TLR9: variants seen among roughly 807,000 people sequenced by gnomAD.
TLR9 encodes toll-like receptor 9.
In TLR9, 19 loss-of-function variants were observed where a neutral mutation model predicts 24.6. That is an observed-to-expected ratio of 0.77 (90% CI 0.54 to 1.13). The LOEUF is 1.13. Among genes scored for constraint, TLR9 ranks in the 50% most tolerant of loss-of-function variants. The pLI is 0.00. For missense variants in TLR9, 1,065 were observed against 1,379.6 expected, an observed-to-expected ratio of 0.77 and a Z score of 3.61; for synonymous variants, 579 against 609.8, an observed-to-expected ratio of 0.95 and a Z score of 0.74.
chr3:52,222,616 T>C lies in TLR9; in HGVS notation c.1700A>G (p.Asn567Ser). The C allele has an allele frequency of 6.8e-6, 11 of 1,614,098 alleles. No homozygotes were observed. The highest frequency in any genetic ancestry group is 9.3e-6 in the Non-Finnish European group (11 of 1,180,014). Residue 567 changes from asparagine to serine, a missense_variant, in exon 2 of 2, where the codon AAC becomes AGC. Coordinates refer to ENST00000360658, the MANE Select transcript of TLR9 (RefSeq NM_017442.4). ...QPFGMQGVGH[N>S]FSFVAHLRTL... ...GCGCAGGTGAGCCACGAAGCTGAAG[T>C]TGTGGCCCACGCCCTGCATGCCAAA...
At position 52,224,270 on chromosome 3, in the gene TLR9, G is replaced by C; in HGVS notation, c.46C>G (p.Gln16Glu). 1 of 1,610,506 alleles carries C rather than the reference G, an allele frequency of 6.2e-7. No homozygotes were observed. Among genetic ancestry groups the C allele is most frequent in the Non-Finnish European group, 8.5e-7 (1 of 1,178,286 alleles). Residue 16 changes from glutamine (Q) to glutamate (E), a missense_variant, in exon 2 of 2, where the codon CAG becomes GAG. Physicochemically the swap from Gln to Glu is conservative, Grantham distance 29 (BLOSUM62 2). Transcript: ENST00000360658. ...AGGGTCATGGCCAGCATGATGGCCT[G>C]CACCAGGAGAGACAGCGGGTGCAGG... ...SALHPLSLLV[Q>E]AIMLAMTLAL...
rs577083788 is a variant in TLR9, at chr3:52,225,241, G to T, written c.3+286C>A. Among the ~76,000 whole-genome samples the T allele has an allele frequency of 5.9e-5, 9 of 152,256 alleles. No homozygotes were observed. The East Asian group carries it at 1.7e-3, about 29-fold the overall frequency. On this transcript the variant is annotated intron_variant, in intron 1 of 1. Coordinates refer to ENST00000360658, the MANE Select transcript of TLR9 (RefSeq NM_017442.4). ...AGCCATAATCCCAGCTACTTGGGAG[G>T]CTGAGGCAGGAGAATCACTTGAACC... is the stretch of plus-strand genomic sequence containing the variant.
rs764944818 is a variant in TLR9 at position 52,223,054 on chromosome 3, T to A, written c.1262A>T (p.Asp421Val). ...TCCGCTGATGCGGTTGTCCGACAGGTCCACGTAGCGCAGGCCAGGGAAGGC... is the reference window on the plus strand; with the variant it reads ...TCCGCTGATGCGGTTGTCCGACAGGACCACGTAGCGCAGGCCAGGGAAGGC... ...FRAFPGLRYV[D>V]LSDNRISGAS... Residue 421 changes from aspartate (D) to valine (V), a missense_variant, in exon 2 of 2, where the codon GAC becomes GTC. Coordinates refer to ENST00000360658, the MANE Select transcript of TLR9 (RefSeq NM_017442.4). The A allele has an allele frequency of 6.7e-5, 107 of 1,595,930 alleles. No homozygotes were observed. The Admixed American group carries it at 1.8e-3, about 27-fold the overall frequency.
In TLR9 at chr3:52,222,874, C is replaced by T. The variant is rs200601173; in HGVS notation, c.1442G>A (p.Arg481Gln). 1.9e-6 allele frequency: 3 copies of T among 1,608,410 alleles called. No homozygotes were observed. The highest frequency in any genetic ancestry group is 1.7e-6 in the Non-Finnish European group (2 of 1,175,566). The stretch of plus-strand genomic sequence containing the variant: ...CGGCTGCACGGTCACCAGGTTGTTC[C>T]GTGACAGATCCAAGGTGAAGTTGAG... ...STLNFTLDLS[R>Q]NNLVTVQPEM... Residue 481 changes from arginine to glutamine, a missense_variant, in exon 2 of 2, where the codon CGG (arginine) becomes CAG (glutamine). Coordinates refer to ENST00000360658, the MANE Select transcript of TLR9 (RefSeq NM_017442.4).
rs373627454 is a variant in TLR9, at chr3:52,221,715, G to A, written c.2601C>T (p.Ala867=). ...AGACCACGAAGGCATCGTAGGGCAGGGCATCCTCATCTCGCCCACTTTGCC... is the reference window on the plus strand; with the variant it reads ...AGACCACGAAGGCATCGTAGGGCAGAGCATCCTCATCTCGCCCACTTTGCC... ...RGRQSGRDED[A]LPYDAFVVFD... is the part of the protein sequence containing the mutation. The change falls in exon 2 of 2, where the codon GCC becomes GCT. Residue 867 remains alanine, a synonymous_variant. Coordinates refer to ENST00000360658, the MANE Select transcript of TLR9 (RefSeq NM_017442.4). The surrounding 1 kb of genome is among the most constrained non-coding windows in gnomAD (Gnocchi z 9.9). 6 of 1,613,976 alleles carry A rather than the reference G, an allele frequency of 3.7e-6. No homozygotes were observed. Among genetic ancestry groups the A allele is most frequent in the Middle Eastern group, 1.6e-4 (1 of 6,062 alleles).
In TLR9 at chr3:52,221,350, C is replaced by T. The variant is rs201478487; in HGVS notation, c.2966G>A (p.Arg989His). ...GTGGGGCCAGAGGAGGACACTCTGG[C>T]GGCAGAGGCGCTGGCGCAGCCGCAC... ...RYVRLRQRLC[R>H]QSVLLWPHQP... is the part of the protein sequence containing the mutation. The change falls in exon 2 of 2, where the codon CGC becomes CAC. Residue 989 changes from arginine (R) to histidine (H), a missense_variant. Arg to His is a conservative substitution (Grantham distance 29). Coordinates refer to ENST00000360658, the MANE Select transcript of TLR9 (RefSeq NM_017442.4). The surrounding 1 kb of genome is among the most constrained non-coding windows in gnomAD (Gnocchi z 9.9). 1.2e-4 allele frequency: 195 copies of T among 1,582,040 alleles called. No homozygotes were observed. In the African/African-American group the frequency reaches 2.1e-3, roughly 17 times the overall value.
chr3:52,225,379 G>A, intron 1 of TLR9, 148 bp downstream of exon 1: 3 of 954,390 alleles, frequency 3.1e-6, no homozygotes, highest in Non-Finnish European at 4.7e-6. Context: ...GAGGGCTTCG[G>A]CTCTGAAGTC....
Position 52,222,330 on chromosome 3 carries a change from G to A in TLR9, c.1986C>T (p.Asp662=), listed in dbSNP as rs1248748060. ...PKSLQVLRLR[D]NYLAFFKWWS... ...ACCACTTAAAGAAGGCCAGGTAATT[G>A]TCACGGAGACGCAGCACCTGTAGGC... The change falls in exon 2 of 2, where the codon GAC becomes GAT. Residue 662 remains aspartate, a synonymous_variant. Coordinates refer to ENST00000360658, the MANE Select transcript of TLR9 (RefSeq NM_017442.4). 15 of 1,614,216 alleles carry A rather than the reference G, an allele frequency of 9.3e-6. No individual in the cohort carries two copies. Among genetic ancestry groups the A allele is most frequent in the Non-Finnish European group, 1.3e-5 (15 of 1,180,038 alleles).
At position 52,225,540 on chromosome 3, in the gene TLR9, AG is replaced by A; in HGVS notation, c.-12del. The A allele has an allele frequency of 6.3e-7, 1 of 1,584,760 alleles. No homozygotes were observed. Among genetic ancestry groups the A allele is most frequent in the Admixed American group, 1.9e-5 (1 of 51,832 alleles). ...CTGTTGTCCTACCATGCTGGGGGGCAGGGGCTTCTCCAGAGGGTCTGGCGGG... is the reference window on the plus strand; with the variant it reads ...CTGTTGTCCTACCATGCTGGGGGGCAGGGCTTCTCCAGAGGGTCTGGCGGG... On this transcript the variant is annotated 5_prime_UTR_variant, in exon 1 of 2. Coordinates refer to ENST00000360658, the MANE Select transcript of TLR9 (RefSeq NM_017442.4).
chr3:52,221,925 C>G lies in TLR9; in HGVS notation c.2391G>C (p.Gln797His). ...GGTCCTGTGCAAAGATGCTGAGGCC[C>G]TGGAGCTGGCCCGGACTGCCACACT... ...RVKCGSPGQL[Q>H]GLSIFAQDLR... The change falls in exon 2 of 2, where the codon CAG becomes CAC. Residue 797 changes from glutamine to histidine, a missense_variant. Coordinates refer to ENST00000360658, the MANE Select transcript of TLR9 (RefSeq NM_017442.4). The surrounding 1 kb of genome is among the most constrained non-coding windows in gnomAD (Gnocchi z 9.9). 1 of 1,613,054 alleles carries G rather than the reference C, an allele frequency of 6.2e-7. No individual in the cohort carries two copies. The highest frequency in any genetic ancestry group is 8.5e-7 in the Non-Finnish European group (1 of 1,179,694).
chr3:52,223,002 C>T lies in TLR9; in HGVS notation c.1314G>A (p.Gly438=). The T allele has an allele frequency of 1.3e-6, 2 of 1,590,142 alleles. No individual in the cohort carries two copies. Among genetic ancestry groups the T allele is most frequent in the Non-Finnish European group, 1.7e-6 (2 of 1,166,528 alleles). ...SGASELTATM[G]EADGGEKVWL... is the part of the protein sequence containing the mutation. ...AGACCTTCTCCCCTCCATCTGCCTC[C>T]CCCATGGTGGCTGTCAGCTCCGAAG... The change falls in exon 2 of 2, where the codon GGG becomes GGA. Residue 438 remains glycine, a synonymous_variant. Coordinates refer to ENST00000360658, the MANE Select transcript of TLR9 (RefSeq NM_017442.4).
chr3:52,224,991 G>A (rs1430335481), intron 1 of TLR9, among the ~76,000 whole-genome samples: 1 of 152,230 alleles, frequency 6.6e-6, no homozygotes, highest in East Asian at 1.9e-4. Context: ...TCCAGCCCCA[G>A]CTCCATCAGT....
chr3:52,221,366 G>A lies in TLR9; in HGVS notation c.2950C>T (p.Arg984Cys), dbSNP rs140585419. 7.0e-6 allele frequency: 11 copies of A among 1,582,710 alleles called. No homozygotes were observed. The highest frequency in any genetic ancestry group is 4.1e-5 in the African/African-American group (3 of 74,006). ...ACACTCTGGCGGCAGAGGCGCTGGC[G>A]CAGCCGCACGTAGCGGGAGCGGCGG... ...DGRRSRYVRL[R>C]QRLCRQSVLL... The change falls in exon 2 of 2, where the codon CGC becomes TGC. Residue 984 changes from arginine (R) to cysteine (C), a missense_variant. Coordinates refer to ENST00000360658, the MANE Select transcript of TLR9 (RefSeq NM_017442.4). This position sits in a 1 kb window ranked among gnomAD's most constrained non-coding sequence, Gnocchi z 9.9.
Position 52,221,204 on chromosome 3 carries a change from T to G in TLR9, c.*13A>C. 1 of 1,510,468 alleles carries G rather than the reference T, an allele frequency of 6.6e-7. No homozygotes were observed. The allele number at this position is 1,510,468 out of a possible 1,614,324, so 93.6% of individuals were successfully genotyped here. A position where few individuals can be genotyped will look rare whatever the true frequency, so the allele number is the denominator to read the frequency against. ...AGTGTGGAGGTGGCACCGTGCAGGA[T>G]TCCGGCTCACGGCTATTCGGCCGTG... On this transcript the variant is annotated 3_prime_UTR_variant, in exon 2 of 2. Transcript: ENST00000360658. This position sits in a 1 kb window ranked among gnomAD's most constrained non-coding sequence, Gnocchi z 9.9.
chr3:52,225,212 C>T (rs1175464791), intron 1 of TLR9, among the ~76,000 whole-genome samples: 2 of 152,106 alleles, frequency 1.3e-5, no homozygotes, highest in East Asian at 1.9e-4. Context: ...GGCATGGTGG[C>T]GCAAGCCATA....
chr3:52,224,129 C>T lies in TLR9; in HGVS notation c.187G>A (p.Gly63Ser). Reference protein sequence around the residue: ...VPHFSMAAPRGNVTSLSLSSN... With the variant: ...VPHFSMAAPRSNVTSLSLSSN... ...GACAAGGAAAGGCTGGTGACATTGC[C>T]ACGGGGTGCTGCCATGGAGAAGTGG... The change falls in exon 2 of 2, where the codon GGC becomes AGC. Residue 63 changes from glycine (G) to serine (S), a missense_variant. By Grantham distance (56) the Gly-to-Ser change is moderately conservative. Coordinates refer to ENST00000360658, the MANE Select transcript of TLR9 (RefSeq NM_017442.4). 1.9e-6 allele frequency: 3 copies of T among 1,576,904 alleles called. No individual in the cohort carries two copies. The highest frequency in any genetic ancestry group is 2.6e-6 in the Non-Finnish European group (3 of 1,156,406).
rs200559631 is a variant in TLR9 at position 52,223,003 on chromosome 3, C to G, written c.1313G>C (p.Gly438Ala). The change falls in exon 2 of 2, where the codon GGG (glycine) becomes GCG (alanine). Residue 438 changes from glycine (G) to alanine (A), a missense_variant. Coordinates refer to ENST00000360658, the MANE Select transcript of TLR9 (RefSeq NM_017442.4). The part of the protein sequence containing the change: ...SGASELTATM[G>A]EADGGEKVWL... ...GACCTTCTCCCCTCCATCTGCCTCC[C>G]CCATGGTGGCTGTCAGCTCCGAAGC... The G allele has an allele frequency of 6.3e-7, 1 of 1,589,608 alleles. No individual in the cohort carries two copies. Among genetic ancestry groups the G allele is most frequent in the South Asian group, 1.1e-5 (1 of 87,200 alleles).
Position 52,221,999 on chromosome 3 carries a change from A to T in TLR9, c.2317T>A (p.Phe773Ile). Residue 773 changes from phenylalanine (F) to isoleucine (I), a missense_variant, in exon 2 of 2, where the codon TTC becomes ATC. Coordinates refer to ENST00000360658, the MANE Select transcript of TLR9 (RefSeq NM_017442.4). The surrounding 1 kb of genome is among the most constrained non-coding windows in gnomAD (Gnocchi z 9.9). The part of the protein sequence containing the change: ...HCACGAAFMD[F>I]LLEVQAAVPG... ...ACGGCAGCCTGCACCTCCAGCAGGA[A>T]GTCCATAAAGGCCGCCCCACAGGCG... 6.2e-7 allele frequency: 1 copy of T among 1,608,432 alleles called. No individual in the cohort carries two copies. Among genetic ancestry groups the T allele is most frequent in the African/African-American group, 1.3e-5 (1 of 74,828 alleles).
At position 52,222,512 on chromosome 3, in the gene TLR9, C is replaced by T; in HGVS notation, c.1804G>A (p.Ala602Thr). 6.2e-7 allele frequency: 1 copy of T among 1,614,200 alleles called. No individual in the cohort carries two copies. Residue 602 changes from alanine to threonine, a missense_variant, in exon 2 of 2, where the codon GCC (alanine) becomes ACC (threonine). Transcript: ENST00000360658. ...SQQLCSTSLRALDFSGNALGH... is the reference protein window; with the variant it reads ...SQQLCSTSLRTLDFSGNALGH... The stretch of plus-strand genomic sequence containing the variant: ...AGTGCATTGCCGCTGAAGTCCAGGG[C>T]CCGCAGCGACGTACTGCAGAGCTGC...
Sources: allele counts gnomAD v4.1 joint callset (sites outside exome capture counted in the v4.1 genomes callset), GRCh38; gene constraint gnomAD v4.1.1; non-coding constraint Gnocchi (gnomAD v3.1); transcripts MANE v1.5; gene names NCBI Gene and HGNC (gene_info 2026-07-23, HGNC 2026-07-21).